Variants in KCTD1 observed in about 807,000 individuals in gnomAD.
The protein encoded by KCTD1 is potassium channel tetramerization domain containing 1, also known as BTB/POZ domain-containing protein KCTD1.
A neutral mutation model predicts 66.0 loss-of-function variants in KCTD1; 24 were observed. That is an observed-to-expected ratio of 0.36 (90% CI 0.26 to 0.51). The LOEUF (loss-of-function observed/expected upper bound fraction) is 0.51, where lower values mean the gene tolerates loss of function less well. Ranked by LOEUF, KCTD1 falls within the 20% of genes least tolerant of loss-of-function variation. The pLI is 0.95. For missense variants in KCTD1, 943 were observed against 1,205.2 expected (o/e 0.78, Z 3.22); for synonymous variants, 511 against 517.2 (o/e 0.99, Z 0.16).
At position 26,546,908 on chromosome 18, in the gene KCTD1, C is replaced by T. The variant is rs763605547; in HGVS notation, c.1629G>A (p.Ser543=). ...KRALYESVFG[S]GEICGPTSPK... ...GGGAAGTGGGGCCGCAGATTTCCCC[C>T]GACCCGAACACAGACTCGTACAGGG... The change falls in exon 1 of 5, where the codon TCG becomes TCA. Residue 543 remains serine (S), a synonymous_variant. Transcript: ENST00000580059. 2.7e-6 allele frequency: 4 copies of T among 1,482,962 alleles called. No homozygotes were observed. Among genetic ancestry groups the T allele is most frequent in the South Asian group, 1.4e-5 (1 of 71,314 alleles). The allele number at this position is 1,482,962 out of a possible 1,614,324, so 91.9% of individuals were successfully genotyped here.
intron 1 of KCTD1, among the ~76,000 whole-genome samples, chr18:26,650,761 A>G (rs1256166448): frequency 6.6e-6 from 1 of 152,250 alleles, no homozygotes; most frequent in East Asian, 1.9e-4. Context: ...TTTCTGTTCC[A>G]TTGGCTACAA....
In KCTD1 at chr18:26,486,235, A is replaced by G. The variant is rs868578008; in HGVS notation, c.1989-9576T>C. 4.6e-5 allele frequency among the ~76,000 whole-genome samples: 7 copies of G among 152,298 alleles called. No homozygotes were observed. The South Asian group carries it at 1.5e-3, about 32-fold the overall frequency. Reference sequence around the variant, plus strand: ...CCTGATTTAATCTTATTGCAGCTCTATAAAGTATTTTGATTTTCCTGATGG... The same window carrying G: ...CCTGATTTAATCTTATTGCAGCTCTGTAAAGTATTTTGATTTTCCTGATGG... On this transcript the variant is annotated intron_variant, in intron 2 of 4. Transcript: ENST00000580059.
chr18:26,540,427 G>C (rs570327211), intron 1 of KCTD1, among the ~76,000 whole-genome samples: 1 of 152,294 alleles, frequency 6.6e-6, no homozygotes, highest in Admixed American at 6.5e-5. Flanking sequence ...CAGTACACTT[G>C]ACCCTTGAAT....
At chr18:26,493,409 GGGA>G (rs1982309570) in intron 2 of KCTD1, among the ~76,000 whole-genome samples, 1 of 109,816 alleles carries the variant, frequency 9.1e-6, no homozygotes, top group Non-Finnish European at 2.3e-5. Context: ...ATTTTTTGGG[GGGA>G]AAAACATGTA....
At chr18:26,642,707 C>T (rs984632440), upstream of KCTD1, among the ~76,000 whole-genome samples, 1 of 152,122 alleles carries the variant, frequency 6.6e-6, no homozygotes, top group African/African-American at 2.4e-5. Flanking sequence ...AGTTAAGTAG[C>T]GTGAAACACT....
chr18:26,489,915 C>T (rs1364341524), intron 2 of KCTD1, among the ~76,000 whole-genome samples: 4 of 152,072 alleles, frequency 2.6e-5, no homozygotes, highest in African/African-American at 4.8e-5. Context: ...ATTTTTCAAA[C>T]GAGTAAATCA....
chr18:26,561,967 T>G (rs1057320568), intron 1 of KCTD1, among the ~76,000 whole-genome samples: 7 of 152,182 alleles, frequency 4.6e-5, no homozygotes, highest in Non-Finnish European at 7.3e-5. Flanking sequence ...AGTGCTGATG[T>G]TGGGTTTGAA....
intron 1 of KCTD1, among the ~76,000 whole-genome samples, chr18:26,579,727 C>T (rs547478062): frequency 1.1e-4 from 17 of 152,230 alleles, no homozygotes; most frequent in African/African-American, 4.1e-4. Context: ...ACGAAATAGT[C>T]TATAAATGGC....
chr18:26,553,267 G>A (rs1002013238), upstream of KCTD1, among the ~76,000 whole-genome samples: 4 of 152,162 alleles, frequency 2.6e-5, no homozygotes, highest in South Asian at 6.2e-4. Context: ...TATTAATTCT[G>A]TTGAATTCAA....
chr18:26,650,404 ACACAGT>A (rs1338894697), intron 1 of KCTD1, among the ~76,000 whole-genome samples: 1 of 152,224 alleles, frequency 6.6e-6, no homozygotes, highest in Non-Finnish European at 1.5e-5. Flanking sequence ...AGGTGAATAA[ACACAGT>A]CCCTGCTCTT....
intron 1 of KCTD1, among the ~76,000 whole-genome samples, chr18:26,596,357 G>A (rs1198589675): frequency 6.6e-6 from 1 of 152,218 alleles, no homozygotes; most frequent in Non-Finnish European, 1.5e-5. Flanking sequence ...AAGACAGAAA[G>A]AGAGCCCTCA....
At chr18:26,523,084 T>C (rs913701440) in intron 1 of KCTD1, among the ~76,000 whole-genome samples, 20 of 152,316 alleles carry the variant, frequency 1.3e-4, no homozygotes, top group South Asian at 4.1e-4. Flanking sequence ...CATTTTTTTT[T>C]CCATGGTGAT....
intron 1 of KCTD1, among the ~76,000 whole-genome samples, chr18:26,523,511 T>C (rs1424248500): frequency 6.6e-6 from 1 of 151,912 alleles, no homozygotes; most frequent in African/African-American, 2.4e-5. Flanking sequence ...AAAAGCTGAG[T>C]GTGGTGGCTC....
At position 26,546,903 on chromosome 18, in the gene KCTD1, TC is replaced by T; in HGVS notation, c.1633del (p.Glu545LysfsTer27). ...ALYESVFGSG[E>X]ICGPTSPKRL... ...TTTGGGGGAAGTGGGGCCGCAGATT[TC>T]CCCCGACCCGAACACAGACTCGTAC... On this transcript the variant is annotated frameshift_variant, in exon 1 of 5. Transcript: ENST00000580059. LOFTEE classifies it high-confidence loss of function. The T allele has an allele frequency of 6.7e-7, 1 of 1,482,604 alleles. No homozygotes were observed. The highest frequency in any genetic ancestry group is 9.0e-7 in the Non-Finnish European group (1 of 1,115,296). 91.8% of individuals were successfully genotyped at this position (1,482,604 alleles called of 1,614,324 possible).
chr18:26,614,908 T>G (rs926394773), intron 1 of KCTD1, among the ~76,000 whole-genome samples: 1 of 152,244 alleles, frequency 6.6e-6, no homozygotes, highest in Non-Finnish European at 1.5e-5. Flanking sequence ...CTTAGTAGCT[T>G]TCACTAACAA....
chr18:26,603,413 C>T (rs1986942005), intron 1 of KCTD1, among the ~76,000 whole-genome samples: 1 of 142,516 alleles, frequency 7.0e-6, no homozygotes, highest in Non-Finnish European at 1.5e-5. Flanking sequence ...GCCTGGGCAA[C>T]TGGAGTGAGA....
intron 2 of KCTD1, among the ~76,000 whole-genome samples, chr18:26,493,370 G>T (rs188138112): frequency 2.6e-5 from 4 of 151,986 alleles, no homozygotes; most frequent in Admixed American, 2.6e-4. Flanking sequence ...ACTAGATTTT[G>T]TCTTGAAAAT....
chr18:26,599,771 G>C, intron 1 of KCTD1: 1 of 1,577,894 alleles, frequency 6.3e-7, no homozygotes, highest in African/African-American at 1.3e-5. Flanking sequence ...ACTCTTTCTG[G>C]TCTTGTGGAA....
At chr18:26,530,708 A>G (rs1417187664) in intron 1 of KCTD1, among the ~76,000 whole-genome samples, 1 of 152,246 alleles carries the variant, frequency 6.6e-6, no homozygotes, top group East Asian at 1.9e-4. Flanking sequence ...CCTTCAGGGC[A>G]CTGTCTTAAT....
Sources: gnomAD v4.1 joint callset for allele counts (sites outside exome capture counted in the v4.1 genomes callset) on GRCh38, gnomAD v4.1.1 for gene constraint, MANE v1.5 for transcripts, NCBI Gene and HGNC (gene_info 2026-07-23, HGNC 2026-07-21) for gene names.